Variants in NADSYN1 observed in about 807,000 individuals in gnomAD.
NADSYN1 encodes the protein NAD synthetase 1.
NADSYN1 carries 80 observed loss-of-function variants against 99.3 expected under a neutral mutation model. The observed-to-expected ratio is 0.81, with a 90% CI of 0.67 to 0.97. The LOEUF is 0.97. Among genes scored for constraint, NADSYN1 ranks in the 50% least tolerant of loss-of-function variants. NADSYN1 has a pLI of 0.00. For missense variants in NADSYN1, 859 were observed against 948.5 expected, an observed-to-expected ratio of 0.91 and a Z score of 1.24; for synonymous variants, 385 against 372.1, an observed-to-expected ratio of 1.03 and a Z score of -0.40.
chr11:71,488,763 C>T (rs566032872), intron 16 of NADSYN1, among the ~76,000 whole-genome samples: 2 of 152,314 alleles, frequency 1.3e-5, no homozygotes, highest in Non-Finnish European at 2.9e-5. Flanking sequence ...ATCCTCCCAC[C>T]TTAGCCTCCC....
In NADSYN1 at chr11:71,458,555, G is replaced by A. The variant is rs749028251; in HGVS notation, c.263+11G>A. On this transcript the variant is annotated intron_variant, in intron 3 of 20. Transcript: ENST00000319023. ...CTGCGACGTGGGGATGTAAGTGCCA[G>A]TGTGAGTGTGGAAGGGCAAACCTGG... 2 of 1,585,480 alleles carry A rather than the reference G, an allele frequency of 1.3e-6. No homozygotes were observed. The highest frequency in any genetic ancestry group is 1.1e-5 in the South Asian group (1 of 90,664).
chr11:71,489,072 G>A (rs976503819), intron 16 of NADSYN1, among the ~76,000 whole-genome samples: 1 of 152,078 alleles, frequency 6.6e-6, no homozygotes, highest in Admixed American at 6.5e-5. Context: ...GGAGGGGAGG[G>A]GAGAGTGAAG....
Position 71,472,485 on chromosome 11 carries a change from G to C in NADSYN1, c.444G>C (p.Gln148His), listed in dbSNP as rs1235912929. ...AGTACTTTCTGCCTCGGATGATACA[G>C]GACCTGACAAAGCAGGTGAGTCCCT... is the stretch of plus-strand genomic sequence containing the variant. ...TEEYFLPRMI[Q>H]DLTKQETVPF... The change falls in exon 6 of 21, where the codon CAG becomes CAC. Residue 148 changes from glutamine to histidine, a missense_variant. Gln to His is a conservative substitution (Grantham distance 24). Coordinates refer to ENST00000319023, the MANE Select transcript of NADSYN1 (RefSeq NM_018161.5). The C allele has an allele frequency of 1.9e-6, 3 of 1,613,768 alleles. No individual in the cohort carries two copies. In the Admixed American group the frequency reaches 5.0e-5, roughly 27 times the overall value.
intron 9 of NADSYN1, among the ~76,000 whole-genome samples, chr11:71,478,087 G>A (rs1194592824): frequency 6.6e-6 from 1 of 151,790 alleles, no homozygotes; most frequent in East Asian, 1.9e-4. Context: ...CTTACTGACA[G>A]GGGTGTCTTA....
At chr11:71,498,711 A>AT (rs1949837366) in intron 20 of NADSYN1, 183 bp downstream of exon 20, 1 of 605,028 alleles carries the variant, frequency 1.7e-6, no homozygotes, top group Admixed American at 3.3e-5. Context: ...GTGTTGACAA[A>AT]TAAAAATTCT....
In NADSYN1 at chr11:71,453,377, A is replaced by G. The variant is rs1949492617; in HGVS notation, c.81A>G (p.Leu27=). 1.9e-6 allele frequency: 3 copies of G among 1,613,502 alleles called. No individual in the cohort carries two copies. The highest frequency in any genetic ancestry group is 2.7e-5 in the African/African-American group (2 of 75,022). ...TCGAGGGCAATTTGCAAAGAATTTT[A>G]AAGAGTGAGTCTGGGGCGGCGGGGG... ...LDFEGNLQRI[L]KSIEIAKNRG... is the part of the protein sequence containing the mutation. The change falls in exon 1 of 21, where the codon TTA becomes TTG. Residue 27 remains leucine, a synonymous_variant. Transcript: ENST00000319023.
Position 71,478,565 on chromosome 11 carries a change from T to C in NADSYN1, c.873+96T>C, listed in dbSNP as rs1949685143. On this transcript the variant is annotated intron_variant, in intron 10 of 20. Coordinates refer to ENST00000319023, the MANE Select transcript of NADSYN1 (RefSeq NM_018161.5). ...CCTGGTGGAGGCCGTGAGGGTGCAG[T>C]GCCTGAAAAGTCTGACAGGGAAGTT... The C allele has an allele frequency of 5.2e-6, 6 of 1,155,998 alleles. No individual in the cohort carries two copies. The Admixed American group carries it at 8.1e-5, about 16-fold the overall frequency. 71.6% of individuals were successfully genotyped at this position (1,155,998 alleles called of 1,614,324 possible).
chr11:71,491,810 G>C (rs376145270), intron 17 of NADSYN1, 24 bp from the exon 18 acceptor site: 3 of 1,612,454 alleles, frequency 1.9e-6, no homozygotes, highest in East Asian at 2.2e-5. Flanking sequence ...TGCACTGACC[G>C]ACCTCTGTGT....
At chr11:71,465,421 T>C (rs1792225) in intron 5 of NADSYN1, among the ~76,000 whole-genome samples, 135,795 of 152,210 alleles carry the variant, frequency 0.89, 61,050 homozygotes, top group Non-Finnish European at 0.96. Context: ...ATTGTAGCCA[T>C]GTTCAGCGCA....
intron 2 of NADSYN1, chr11:71,455,466 G>A (rs1039382324): frequency 7.7e-6 from 3 of 387,620 alleles, no homozygotes; most frequent in Non-Finnish European, 1.4e-5. Context: ...TGGTCTGAAT[G>A]TTTGCGTCCC....
chr11:71,491,400 CTG>C (rs1318835907), intron 17 of NADSYN1, among the ~76,000 whole-genome samples: 1 of 152,024 alleles, frequency 6.6e-6, no homozygotes, highest in East Asian at 1.9e-4. Flanking sequence ...ACTGGAGTGA[CTG>C]TGCCCCCCAG....
At chr11:71,484,145 A>G (rs946595976) in intron 14 of NADSYN1, among the ~76,000 whole-genome samples, 167 bp from the exon 15 acceptor site, 3 of 152,204 alleles carry the variant, frequency 2.0e-5, no homozygotes, top group African/African-American at 7.2e-5. Context: ...TCTGAGCTAG[A>G]TGGTGGTGAT....
At chr11:71,498,898 T>G (rs1949838409) in intron 20 of NADSYN1, 1 of 170,230 alleles carries the variant, frequency 5.9e-6, no homozygotes, top group Non-Finnish European at 1.3e-5. Context: ...CACCATGTCA[T>G]GCACTGGAGC....
intron 16 of NADSYN1, among the ~76,000 whole-genome samples, chr11:71,489,121 G>A (rs1486138725): frequency 2.0e-5 from 3 of 152,166 alleles, no homozygotes; most frequent in South Asian, 2.1e-4. Context: ...GCATGGGAAT[G>A]CAGAGCTGAG....
intron 3 of NADSYN1, among the ~76,000 whole-genome samples, chr11:71,461,824 C>T (rs1465191431): frequency 6.6e-6 from 1 of 152,210 alleles, no homozygotes; most frequent in Non-Finnish European, 1.5e-5. Context: ...TTCATAAGAA[C>T]TCCGCCCCCA....
intron 16 of NADSYN1, 106 bp from the exon 17 acceptor site, chr11:71,490,739 C>T: frequency 1.3e-6 from 2 of 1,489,546 alleles, no homozygotes; most frequent in African/African-American, 1.4e-5. Flanking sequence ...GAATATGCCA[C>T]ACTTCTGGCT....
chr11:71,488,311 G>A (rs1244642706), intron 16 of NADSYN1, among the ~76,000 whole-genome samples: 1 of 150,016 alleles, frequency 6.7e-6, no homozygotes, highest in Non-Finnish European at 1.5e-5. Flanking sequence ...GCTCAAGGAG[G>A]GGAAGGGAGA....
At chr11:71,472,383 T>G in intron 5 of NADSYN1, 66 bp from the exon 6 acceptor site, 1 of 1,349,960 alleles carries the variant, frequency 7.4e-7, no homozygotes, top group South Asian at 1.1e-5. Context: ...TTTGTTTAAA[T>G]GTAGCCGCCA....
chr11:71,492,026 G>A, intron 18 of NADSYN1, 123 bp downstream of exon 18: 1 of 875,330 alleles, frequency 1.1e-6, no homozygotes, highest in Non-Finnish European at 1.7e-6. Context: ...CTGGGTCCCT[G>A]GCCTGGGTGC....
Sources: allele counts gnomAD v4.1 joint callset (sites outside exome capture counted in the v4.1 genomes callset), GRCh38; gene constraint gnomAD v4.1.1; transcripts MANE v1.5; gene names NCBI Gene and HGNC (gene_info 2026-07-23, HGNC 2026-07-21).